Variants in C13orf42 observed in about 807,000 individuals in gnomAD.
The protein encoded by C13orf42 is chromosome 13 open reading frame 42, also known as uncharacterized protein C13orf42.
intron 1 of C13orf42, among the ~76,000 whole-genome samples, chr13:51,101,518 A>G (rs1953290883): frequency 6.6e-6 from 1 of 152,214 alleles, no homozygotes; most frequent in South Asian, 2.1e-4. Context: ...TCCACTAAAA[A>G]AAAGAAAAGG....
upstream of C13orf42, among the ~76,000 whole-genome samples, chr13:51,111,598 C>A (rs1953435339): frequency 6.6e-6 from 1 of 152,194 alleles, no homozygotes; most frequent in African/African-American, 2.4e-5. Context: ...TTTTCACTTT[C>A]CATCGCTGGC....
At chr13:51,138,123 C>A (rs754567081) in intron 1 of C13orf42, among the ~76,000 whole-genome samples, 3 of 152,140 alleles carry the variant, frequency 2.0e-5, no homozygotes, top group Non-Finnish European at 4.4e-5. Context: ...CAGGCCCTGG[C>A]GAGGAGGAGG....
chr13:51,162,016 C>G (rs937784106), intron 1 of C13orf42: 8 of 397,502 alleles, frequency 2.0e-5, no homozygotes, highest in East Asian at 1.3e-4. Context: ...TACTGAGAAG[C>G]CTGCATGCCA....
At chr13:51,086,012 G>A (rs145778648) in intron 2 of C13orf42, among the ~76,000 whole-genome samples, 3,816 of 151,696 alleles carry the variant, frequency 0.025, 86 homozygotes, top group South Asian at 0.056. Context: ...GCGAGACTCC[G>A]TCTCAAAAAA....
chr13:51,092,947 T>C (rs1345967350), intron 1 of C13orf42, among the ~76,000 whole-genome samples: 1 of 152,086 alleles, frequency 6.6e-6, no homozygotes, highest in Non-Finnish European at 1.5e-5. Context: ...AAGCTAATCC[T>C]AAAAAAAGAT....
chr13:51,105,597 T>C (rs1206410170), intron 1 of C13orf42, among the ~76,000 whole-genome samples: 1 of 152,198 alleles, frequency 6.6e-6, no homozygotes, highest in Non-Finnish European at 1.5e-5. Flanking sequence ...ATCAGAATTT[T>C]GAAACAAGCC....
intron 1 of C13orf42, among the ~76,000 whole-genome samples, chr13:51,102,612 C>G (rs1314453189): frequency 6.6e-6 from 1 of 152,166 alleles, no homozygotes; most frequent in Non-Finnish European, 1.5e-5. Flanking sequence ...TATTTTGCAA[C>G]TAGTTCATTC....
At chr13:51,167,034 G>A (rs1409887902) in intron 1 of C13orf42, among the ~76,000 whole-genome samples, 7 of 151,728 alleles carry the variant, frequency 4.6e-5, no homozygotes, top group South Asian at 2.1e-4. Context: ...AGCCGAGATC[G>A]TGCCACTGCA....
At chr13:51,127,747 A>G (rs1566133972) in intron 1 of C13orf42, among the ~76,000 whole-genome samples, 1 of 152,238 alleles carries the variant, frequency 6.6e-6, no homozygotes, top group African/African-American at 2.4e-5. Context: ...AAAACATTAC[A>G]TTAAGTGAAA....
intron 1 of C13orf42, among the ~76,000 whole-genome samples, chr13:51,149,602 G>A (rs1005928634): frequency 2.6e-5 from 4 of 152,150 alleles, no homozygotes; most frequent in African/African-American, 9.7e-5. Flanking sequence ...ATGGTAGCCT[G>A]GTTCTCATTG....
In C13orf42 at chr13:51,119,359, A is replaced by C. The variant is rs1953515712; in HGVS notation, n.137-6137T>G. 1.3e-5 allele frequency among the ~76,000 whole-genome samples: 2 copies of C among 152,104 alleles called. 1 individual carries two copies. The highest frequency in any genetic ancestry group is 4.1e-4 in the South Asian group (2 of 4,832). On this transcript the variant is annotated intron_variant and non_coding_transcript_variant, in intron 1 of 4. Transcript: ENST00000433280. ...ACTAAACCTGGTGAATTCACAGGTG[A>C]TATCAGTGGGTGTGAATGGCTCAAA...
chr13:51,160,878 G>A (rs146893045), intron 1 of C13orf42, among the ~76,000 whole-genome samples: 1 of 150,246 alleles, frequency 6.7e-6, no homozygotes, highest in African/African-American at 2.4e-5. Context: ...GGAAACCTGT[G>A]ACCAGCACCT....
At chr13:51,163,814 C>T (rs557213176) in intron 1 of C13orf42, among the ~76,000 whole-genome samples, 1 of 152,234 alleles carries the variant, frequency 6.6e-6, no homozygotes, top group African/African-American at 2.4e-5. Context: ...GTCTGCCATA[C>T]AAAGTCCCAC....
intron 1 of C13orf42, among the ~76,000 whole-genome samples, chr13:51,103,705 AAAAG>A (rs201445494): frequency 0.013 from 2,035 of 152,288 alleles, 26 homozygotes; most frequent in Non-Finnish European, 0.021. Context: ...TGTCTCAAAA[AAAAG>A]AAAGAAAGGA....
intron 1 of C13orf42, among the ~76,000 whole-genome samples, chr13:51,146,362 G>T (rs2138034498): frequency 6.6e-6 from 1 of 152,180 alleles, no homozygotes; most frequent in South Asian, 2.1e-4. Context: ...AACAAAACAA[G>T]CCTGTTGTGT....
chr13:51,125,671 GTCTACGAATCAACA>G (rs148788309), intron 1 of C13orf42, among the ~76,000 whole-genome samples: 3,028 of 152,294 alleles, frequency 0.02, 45 homozygotes, highest in Non-Finnish European at 0.028. Context: ...ACCCCCCAGT[GTCTACGAATCAACA>G]TCTACAGCAC....
At chr13:51,104,730 T>C (rs1034697529) in intron 1 of C13orf42, among the ~76,000 whole-genome samples, 7 of 150,796 alleles carry the variant, frequency 4.6e-5, no homozygotes, top group Admixed American at 1.3e-4. Context: ...ACTTGTACAC[T>C]GTGAAAGAGT....
intron 1 of C13orf42, among the ~76,000 whole-genome samples, chr13:51,167,076 C>A (rs1174864561): frequency 7.2e-6 from 1 of 139,658 alleles, no homozygotes; most frequent in African/African-American, 2.8e-5. Context: ...GAGACCCCAT[C>A]TCAAAAAAAA....
intron 1 of C13orf42, among the ~76,000 whole-genome samples, chr13:51,142,610 AAAG>A (rs1953704065): frequency 2.1e-5 from 3 of 145,002 alleles, no homozygotes; most frequent in African/African-American, 7.7e-5. Flanking sequence ...AAAAAAAAAG[AAAG>A]AAGAAAAAGA....
Sources: allele counts gnomAD v4.1 joint callset (sites outside exome capture counted in the v4.1 genomes callset), GRCh38; gene constraint gnomAD v4.1.1; transcripts MANE v1.5; gene names NCBI Gene and HGNC (gene_info 2026-07-23, HGNC 2026-07-21).